Variants in EFCAB11 observed in about 807,000 individuals in gnomAD.
EFCAB11 encodes EF-hand calcium-binding domain-containing protein 11.
Under a neutral mutation model 23.0 loss-of-function variants are expected in EFCAB11, and 14 were observed. The observed-to-expected ratio is 0.61, with a 90% CI of 0.40 to 0.95. The LOEUF (loss-of-function observed/expected upper bound fraction) is 0.95. EFCAB11 is among the 40% of genes least tolerant of loss of function. The pLI, the probability that EFCAB11 is intolerant of heterozygous loss-of-function variation, is 0.00. For synonymous variants in EFCAB11, 65 were observed against 66.6 expected (o/e 0.98, Z 0.11); for missense variants, 198 against 195.8 (o/e 1.01, Z -0.07).
chr14:89,893,524 A>G (rs1271089718), intron 5 of EFCAB11, among the ~76,000 whole-genome samples: 7 of 152,046 alleles, frequency 4.6e-5, no homozygotes, highest in African/African-American at 1.7e-4. Context: ...CTCTCTGGGA[A>G]AGGCCCTCCC....
intron 5 of EFCAB11, among the ~76,000 whole-genome samples, chr14:89,874,694 G>A (rs1295049690): frequency 2.0e-5 from 3 of 152,072 alleles, no homozygotes; most frequent in African/African-American, 7.2e-5. Flanking sequence ...TCAGGAGATC[G>A]AGACTATCCT....
rs67216494 is a variant in EFCAB11 at position 89,834,403 on chromosome 14, A to AACC, written c.411-37080_411-37079insGGT. Among the ~76,000 whole-genome samples the AACC allele has an allele frequency of 3.0e-4, 30 of 101,392 alleles. 9 individuals are homozygous for AACC. Among genetic ancestry groups the AACC allele is most frequent in the Non-Finnish European group, 4.5e-4 (23 of 50,662 alleles). The allele number at this position is 101,392 out of a possible 152,430, so 66.5% of individuals were successfully genotyped here. ...AAAAAAAAAAAAAAAAAAAAAAAAA[A>AACC]CCTTTTTGTTTAAACTTCTAAAGAT... On this transcript the variant is annotated intron_variant, in intron 5 of 5. Coordinates refer to ENST00000316738, the MANE Select transcript of EFCAB11 (RefSeq NM_145231.4).
At chr14:89,905,572 G>A (rs948148807) in intron 5 of EFCAB11, among the ~76,000 whole-genome samples, 6 of 152,196 alleles carry the variant, frequency 3.9e-5, no homozygotes, top group African/African-American at 9.7e-5. Context: ...CAGGGCTCAC[G>A]GACCAGGGAA....
intron 5 of EFCAB11, among the ~76,000 whole-genome samples, chr14:89,880,299 C>G (rs1053383400): frequency 1.3e-5 from 2 of 152,134 alleles, no homozygotes; most frequent in Non-Finnish European, 2.9e-5. Context: ...AGGGAACAGG[C>G]CCTAACCAGA....
intron 5 of EFCAB11, among the ~76,000 whole-genome samples, chr14:89,824,821 C>A (rs938038975): frequency 6.6e-6 from 1 of 152,048 alleles, no homozygotes; most frequent in South Asian, 2.1e-4. Flanking sequence ...TAATTCTAAA[C>A]GTATACGTAC....
intron 5 of EFCAB11, among the ~76,000 whole-genome samples, chr14:89,805,779 T>C (rs12434542): frequency 0.55 from 83,891 of 151,936 alleles, 23,455 homozygotes; most frequent in Middle Eastern, 0.66. Flanking sequence ...TTCTGCTACT[T>C]GGAAATGAAA....
At chr14:89,860,168 A>G (rs779408246) in intron 5 of EFCAB11, among the ~76,000 whole-genome samples, 1 of 152,190 alleles carries the variant, frequency 6.6e-6, no homozygotes, top group Non-Finnish European at 1.5e-5. Context: ...GTTTGAGACC[A>G]GCCTGGCCAA....
chr14:89,809,930 C>T (rs755004647), intron 5 of EFCAB11, among the ~76,000 whole-genome samples: 8 of 152,154 alleles, frequency 5.3e-5, no homozygotes, highest in East Asian at 1.9e-4. Context: ...CCTACAATTT[C>T]CCCCCACAAT....
At chr14:89,802,694 C>T (rs1885828000) in intron 5 of EFCAB11, among the ~76,000 whole-genome samples, 1 of 152,070 alleles carries the variant, frequency 6.6e-6, no homozygotes, top group African/African-American at 2.4e-5. Context: ...CGGTCGGACC[C>T]ATAATTGCAA....
chr14:89,878,843 A>G (rs1054269974), intron 5 of EFCAB11, among the ~76,000 whole-genome samples: 3 of 151,680 alleles, frequency 2.0e-5, no homozygotes, highest in Non-Finnish European at 2.9e-5. Flanking sequence ...GTATCTGACC[A>G]CTTTACAAGA....
At chr14:89,835,585 CGTGTGT>C (rs67831579) in intron 5 of EFCAB11, among the ~76,000 whole-genome samples, 5,825 of 93,262 alleles carry the variant, frequency 0.062, 138 homozygotes, top group Non-Finnish European at 0.071. Context: ...GGATGCTCAA[CGTGTGT>C]GTGTGTGTGT....
At chr14:89,802,756 G>A (rs554720001) in intron 5 of EFCAB11, among the ~76,000 whole-genome samples, 1 of 152,272 alleles carries the variant, frequency 6.6e-6, no homozygotes, top group African/African-American at 2.4e-5. Flanking sequence ...TATATGCTAC[G>A]CAGAAACTTG....
chr14:89,896,530 G>A (rs1269640459), intron 5 of EFCAB11, among the ~76,000 whole-genome samples: 4 of 152,074 alleles, frequency 2.6e-5, no homozygotes, highest in Non-Finnish European at 4.4e-5. Context: ...GTAAACATTC[G>A]TGTACCTTAC....
intron 3 of EFCAB11, among the ~76,000 whole-genome samples, chr14:89,938,578 C>T (rs1163655208): frequency 6.6e-6 from 1 of 151,672 alleles, no homozygotes; most frequent in Non-Finnish European, 1.5e-5. Context: ...AATAATCTAC[C>T]TTAATGGAAG....
chr14:89,808,427 T>A (rs1566766119), intron 5 of EFCAB11, among the ~76,000 whole-genome samples: 1 of 152,184 alleles, frequency 6.6e-6, no homozygotes, highest in South Asian at 2.1e-4. Context: ...TTTTTTTCCA[T>A]TAAATGAGAG....
chr14:89,875,501 T>C (rs964828394), intron 5 of EFCAB11, among the ~76,000 whole-genome samples: 3 of 152,030 alleles, frequency 2.0e-5, no homozygotes, highest in African/African-American at 7.3e-5. Flanking sequence ...GAGACAGATA[T>C]GGGTGGTAGA....
intron 5 of EFCAB11, among the ~76,000 whole-genome samples, chr14:89,871,786 A>G (rs1299758647): frequency 6.6e-6 from 1 of 152,116 alleles, no homozygotes; most frequent in Non-Finnish European, 1.5e-5. Flanking sequence ...CCCTGACTCC[A>G]TCAGATTTCC....
chr14:89,954,480 A>G (rs1391721293), intron 1 of EFCAB11, 106 bp downstream of exon 1: 25 of 1,546,534 alleles, frequency 1.6e-5, no homozygotes, highest in Non-Finnish European at 2.2e-5. Flanking sequence ...CAGGCAGCCC[A>G]GGTCTTATCT....
At chr14:89,842,609 T>G (rs907767752) in intron 5 of EFCAB11, among the ~76,000 whole-genome samples, 1 of 149,154 alleles carries the variant, frequency 6.7e-6, no homozygotes, top group African/African-American at 2.5e-5. Flanking sequence ...TATGATATGA[T>G]ATGATATGAT....
Sources: gnomAD v4.1 joint callset for allele counts (sites outside exome capture counted in the v4.1 genomes callset) on GRCh38, gnomAD v4.1.1 for gene constraint, MANE v1.5 for transcripts, NCBI Gene and HGNC (gene_info 2026-07-23, HGNC 2026-07-21) for gene names.